The following DMGDH variants were observed in gnomAD, a reference collection of about 807,000 sequenced individuals.
DMGDH encodes dimethylglycine dehydrogenase.
Under a neutral mutation model 95.2 loss-of-function variants are expected in DMGDH, and 76 were observed. The ratio of observed to expected loss-of-function variants is 0.80; its 90% CI spans 0.66 to 0.97. The LOEUF is 0.97. Among genes scored for constraint, DMGDH ranks in the 50% least tolerant of loss-of-function variants. DMGDH has a pLI of 0.00. For missense variants in DMGDH, 987 were observed against 1,055.0 expected (o/e 0.94, Z 0.89); for synonymous variants, 345 against 377.6 (o/e 0.91, Z 1.00).
At chr5:79,002,381 C>CA (rs1561204874) in intron 15 of DMGDH, among the ~76,000 whole-genome samples, 1 of 152,136 alleles carries the variant, frequency 6.6e-6, no homozygotes, top group African/African-American at 2.4e-5. Flanking sequence ...GCCTTGATTT[C>CA]AAAAAAATTA....
intron 5 of DMGDH, among the ~76,000 whole-genome samples, chr5:79,046,374 A>G (rs11959058): frequency 0.017 from 2,485 of 150,028 alleles, 63 homozygotes; most frequent in African/African-American, 0.059. Context: ...GTGAGCCACA[A>G]TGCTTGGCCT....
At chr5:79,012,753 C>T (rs1753666733) in intron 14 of DMGDH, among the ~76,000 whole-genome samples, 2 of 152,244 alleles carry the variant, frequency 1.3e-5, no homozygotes, top group South Asian at 4.1e-4. Context: ...GTAGCAGCAG[C>T]CCAAGCTTTA....
intron 2 of DMGDH, among the ~76,000 whole-genome samples, chr5:79,058,688 C>A (rs1427089713): frequency 6.6e-6 from 1 of 152,110 alleles, no homozygotes; most frequent in Non-Finnish European, 1.5e-5. Context: ...GAGATATAAT[C>A]ATTAAGAATT....
At chr5:79,039,891 T>C (rs1754457253) in intron 7 of DMGDH, among the ~76,000 whole-genome samples, 1 of 152,120 alleles carries the variant, frequency 6.6e-6, no homozygotes, top group East Asian at 1.9e-4. Flanking sequence ...GTGAACACAG[T>C]GATGGGCTAG....
chr5:79,055,169 C>T (rs1754989376), intron 3 of DMGDH, among the ~76,000 whole-genome samples: 1 of 152,188 alleles, frequency 6.6e-6, no homozygotes, highest in Admixed American at 6.5e-5. Flanking sequence ...GTAGCTGAAG[C>T]AGATAAGCAG....
intron 1 of DMGDH, among the ~76,000 whole-genome samples, chr5:79,064,016 C>T (rs1231213288): frequency 4.6e-5 from 7 of 152,116 alleles, no homozygotes; most frequent in African/African-American, 1.4e-4. Context: ...ATTGTAGCTA[C>T]TATAGCCAAA....
rs1753942273 is a variant in DMGDH at position 79,024,400 on chromosome 5, T to C, written c.2191-70A>G. 8 of 1,391,690 alleles carry C rather than the reference T, an allele frequency of 5.7e-6. No individual in the cohort carries two copies. In the East Asian group the frequency reaches 1.8e-4, roughly 32 times the overall value. 86.2% of individuals were successfully genotyped at this position (1,391,690 alleles called of 1,614,324 possible). A position where few individuals can be genotyped will look rare whatever the true frequency, so the allele number is the denominator to read the frequency against. ...ATTTTGGTAACATCACTTTCATATT[T>C]GTTTTTAGGAGAAAGAACCCTTTTT... On this transcript the variant is annotated intron_variant, in intron 13 of 15. Transcript: ENST00000255189.
At chr5:79,067,723 A>G (rs1271034758) in intron 1 of DMGDH, among the ~76,000 whole-genome samples, 3 of 152,212 alleles carry the variant, frequency 2.0e-5, no homozygotes, top group Non-Finnish European at 2.9e-5. Flanking sequence ...TTCTGAATGT[A>G]GTCGAGGATG....
At chr5:79,002,700 T>A (rs1160921744) in intron 15 of DMGDH, among the ~76,000 whole-genome samples, 1 of 152,058 alleles carries the variant, frequency 6.6e-6, no homozygotes, top group Non-Finnish European at 1.5e-5. Flanking sequence ...AAGAATAAAA[T>A]ACTAAATACC....
chr5:79,036,365 T>C (rs909942413), intron 7 of DMGDH, among the ~76,000 whole-genome samples: 1 of 152,244 alleles, frequency 6.6e-6, no homozygotes, highest in Non-Finnish European at 1.5e-5. Context: ...TAGGCCTATA[T>C]GCTTTTTGAG....
At chr5:79,021,306 T>C in intron 14 of DMGDH, 1 of 1,085,222 alleles carries the variant, frequency 9.2e-7, no homozygotes, top group South Asian at 2.7e-5. Flanking sequence ...ATATTATTTG[T>C]TTCCAGGTTC....
chr5:79,014,456 A>C (rs565052317), intron 14 of DMGDH, among the ~76,000 whole-genome samples: 1 of 152,324 alleles, frequency 6.6e-6, no homozygotes, highest in South Asian at 2.1e-4. Context: ...AGTAGAGTGA[A>C]GAACAATTGC....
chr5:79,034,986 G>A (rs1390463600), intron 7 of DMGDH, among the ~76,000 whole-genome samples: 1 of 148,448 alleles, frequency 6.7e-6, no homozygotes, highest in Non-Finnish European at 1.5e-5. Context: ...GAACCTGGGA[G>A]GCGGAGCTTG....
At chr5:79,027,673 C>T (rs1369297061) in intron 12 of DMGDH, among the ~76,000 whole-genome samples, 7 of 152,040 alleles carry the variant, frequency 4.6e-5, no homozygotes, top group Non-Finnish European at 8.8e-5. Flanking sequence ...TCTCAGTGAA[C>T]TTACAGTCTG....
chr5:79,058,153 C>T (rs2112668516), intron 2 of DMGDH, among the ~76,000 whole-genome samples: 1 of 152,348 alleles, frequency 6.6e-6, no homozygotes, highest in East Asian at 1.9e-4. Context: ...TTACACTACC[C>T]TCTTTTCCTT....
chr5:78,999,683 AAAG>A (rs1753420733), intron 15 of DMGDH, among the ~76,000 whole-genome samples: 1 of 152,216 alleles, frequency 6.6e-6, no homozygotes, highest in Non-Finnish European at 1.5e-5. Context: ...GACCGTGAAA[AAAG>A]AAAACTTTTT....
intron 15 of DMGDH, among the ~76,000 whole-genome samples, chr5:78,998,784 AG>A (rs1258184210): frequency 6.6e-6 from 1 of 152,200 alleles, no homozygotes; most frequent in African/African-American, 2.4e-5. Flanking sequence ...CGGGAGGTGG[AG>A]GTTGCAGTGA....
intron 14 of DMGDH, among the ~76,000 whole-genome samples, chr5:79,017,000 A>G (rs938156826): frequency 2.0e-5 from 3 of 152,220 alleles, no homozygotes; most frequent in Non-Finnish European, 4.4e-5. Context: ...GTACAAATAA[A>G]TAAAACTTCA....
Position 79,026,571 on chromosome 5 carries a change from A to G in DMGDH, c.2043T>C (p.Gly681=), listed in dbSNP as rs781169869. The change falls in exon 13 of 16, where the codon GGT becomes GGC. Residue 681 remains glycine (G), a synonymous_variant. Coordinates refer to ENST00000255189, the MANE Select transcript of DMGDH (RefSeq NM_013391.3). ...AIRISYTGEL[G]WELYHRREDS... is the part of the protein sequence containing the mutation. The stretch of plus-strand genomic sequence containing the variant: ...CTTCTCTTCTGTGATACAGCTCCCA[A>G]CCCAGCTCACCTGAAATAAACCCAC... The G allele has an allele frequency of 5.0e-6, 8 of 1,613,882 alleles. No individual in the cohort carries two copies. Among genetic ancestry groups the G allele is most frequent in the African/African-American group, 1.3e-5 (1 of 74,878 alleles).
Sources: gnomAD v4.1 joint callset for allele counts (sites outside exome capture counted in the v4.1 genomes callset) on GRCh38, gnomAD v4.1.1 for gene constraint, MANE v1.5 for transcripts, NCBI Gene and HGNC (gene_info 2026-07-23, HGNC 2026-07-21) for gene names.